AKAP13: variants seen among roughly 807,000 people sequenced by gnomAD.
AKAP13 encodes A-kinase anchor protein 13.
Under a neutral mutation model 264.5 loss-of-function variants are expected in AKAP13, and 80 were observed. That is an observed-to-expected ratio of 0.30 (90% CI 0.25 to 0.36). The LOEUF is 0.36. Among genes scored for constraint, AKAP13 ranks in the 10% least tolerant of loss-of-function variants. AKAP13 has a pLI of 1.00. For missense variants in AKAP13, 3,712 were observed against 3,435.2 expected (o/e 1.08, Z -2.01); for synonymous variants, 1,380 against 1,250.2 (o/e 1.10, Z -2.19).
intron 3 of AKAP13, among the ~76,000 whole-genome samples, chr15:85,527,114 C>T (rs900183750): frequency 7.2e-5 from 11 of 152,134 alleles, no homozygotes; most frequent in Admixed American, 2.0e-4. Flanking sequence ...AGGCGCCCGC[C>T]ACCACGCCCG....
intron 1 of AKAP13, among the ~76,000 whole-genome samples, chr15:85,480,457 T>C (rs1480022298): frequency 6.6e-6 from 1 of 152,194 alleles, no homozygotes; most frequent in Non-Finnish European, 1.5e-5. Flanking sequence ...AGCATTATTA[T>C]GCTCTTTCTG....
chr15:85,665,511 A>T (rs2083544290), intron 13 of AKAP13, among the ~76,000 whole-genome samples: 1 of 152,078 alleles, frequency 6.6e-6, no homozygotes, highest in Non-Finnish European at 1.5e-5. Flanking sequence ...TCCCATCCCT[A>T]CCAGAATTCT....
intron 1 of AKAP13, among the ~76,000 whole-genome samples, chr15:85,381,139 G>A (rs1206550196): frequency 6.6e-6 from 1 of 152,130 alleles, no homozygotes; most frequent in Non-Finnish European, 1.5e-5. Context: ...TCCGCCCCCA[G>A]CGAGGCCCCG....
chr15:85,475,996 G>A (rs1423032402), intron 1 of AKAP13, among the ~76,000 whole-genome samples: 1 of 152,110 alleles, frequency 6.6e-6, no homozygotes, highest in African/African-American at 2.4e-5. Flanking sequence ...AAAACAAGTT[G>A]GGGAGAGAAG....
intron 1 of AKAP13, among the ~76,000 whole-genome samples, chr15:85,388,292 G>C (rs1023580996): frequency 5.3e-5 from 8 of 151,946 alleles, no homozygotes; most frequent in African/African-American, 1.9e-4. Context: ...TGATCCGCCA[G>C]CCTCAGCCTC....
intron 1 of AKAP13, among the ~76,000 whole-genome samples, chr15:85,450,633 C>T (rs1010378778): frequency 1.3e-5 from 2 of 152,062 alleles, no homozygotes; most frequent in Admixed American, 6.6e-5. Context: ...CATTCAGGAG[C>T]ATGTTCTTAT....
At chr15:85,559,770 A>G (rs2078292566) in intron 5 of AKAP13, among the ~76,000 whole-genome samples, 1 of 149,088 alleles carries the variant, frequency 6.7e-6, no homozygotes, top group African/African-American at 2.5e-5. Context: ...ATACAGATGA[A>G]GCTTCACTCT....
At chr15:85,443,299 T>G (rs2073776629) in intron 1 of AKAP13, among the ~76,000 whole-genome samples, 1 of 152,204 alleles carries the variant, frequency 6.6e-6, no homozygotes, top group Non-Finnish European at 1.5e-5. Context: ...TGGTGTTTAT[T>G]AGCTGAATAA....
chr15:85,683,679 G>A (rs1275750694), intron 15 of AKAP13: 1 of 152,114 alleles, frequency 6.6e-6, no homozygotes, highest in South Asian at 2.1e-4. Context: ...CCATGTTGGC[G>A]AGGCTGGTCT....
At chr15:85,623,465 C>A (rs1567161054) in intron 8 of AKAP13, among the ~76,000 whole-genome samples, 1 of 152,198 alleles carries the variant, frequency 6.6e-6, no homozygotes, top group Non-Finnish European at 1.5e-5. Flanking sequence ...TCAGCATTCT[C>A]ATTCTGTGTT....
At chr15:85,387,517 GTCTC>G (rs1194499924) in intron 1 of AKAP13, among the ~76,000 whole-genome samples, 10 of 152,040 alleles carry the variant, frequency 6.6e-5, no homozygotes, top group Non-Finnish European at 1.2e-4. Flanking sequence ...TAGAGACAGA[GTCTC>G]TCTATGTTGC....
intron 1 of AKAP13, among the ~76,000 whole-genome samples, chr15:85,397,349 G>T (rs568343082): frequency 6.6e-6 from 1 of 152,270 alleles, no homozygotes; most frequent in South Asian, 2.1e-4. Context: ...AAAAGTGCTT[G>T]TGGCAGTCTA....
At chr15:85,408,666 T>G (rs868550888) in intron 1 of AKAP13, among the ~76,000 whole-genome samples, 45 of 151,976 alleles carry the variant, frequency 3.0e-4, no homozygotes, top group Middle Eastern at 3.4e-3. Flanking sequence ...TATTTCCTTT[T>G]TAAGGCAGAA....
At chr15:85,686,191 A>ATTG (rs1555459330) in intron 16 of AKAP13, among the ~76,000 whole-genome samples, 1 of 151,354 alleles carries the variant, frequency 6.6e-6, no homozygotes, top group Non-Finnish European at 1.5e-5. Context: ...ACGTGCATGC[A>ATTG]TGTGTGTGTG....
intron 5 of AKAP13, among the ~76,000 whole-genome samples, chr15:85,565,242 T>TA (rs71468117): frequency 0.28 from 41,660 of 149,172 alleles, 7,123 homozygotes; most frequent in Middle Eastern, 0.49. Context: ...TCATTGGAAT[T>TA]AAAAAAAAAA....
intron 5 of AKAP13, among the ~76,000 whole-genome samples, chr15:85,558,996 A>C (rs535113720): frequency 1.4e-5 from 2 of 146,758 alleles, no homozygotes; most frequent in Non-Finnish European, 3.0e-5. Context: ...TGGAAATTTG[A>C]CTTTTTTTTC....
intron 10 of AKAP13, among the ~76,000 whole-genome samples, chr15:85,647,559 T>G (rs2082612500): frequency 6.6e-6 from 1 of 151,608 alleles, no homozygotes; most frequent in Non-Finnish European, 1.5e-5. Context: ...CTTCCCAAGG[T>G]CTTTGGAAAG....
At chr15:85,619,692 G>T in intron 8 of AKAP13, 1 of 990,970 alleles carries the variant, frequency 1.0e-6, no homozygotes, top group South Asian at 4.7e-5. Context: ...TTTTCCCTAC[G>T]TGTATCGGCC....
intron 1 of AKAP13, among the ~76,000 whole-genome samples, chr15:85,419,935 G>GTTTTTTTTTT (rs11452064): frequency 3.8e-5 from 3 of 77,970 alleles, no homozygotes; most frequent in Non-Finnish European, 6.9e-5. Flanking sequence ...TCTGACTCTT[G>GTTTTTTTTTT]TTTTTTTTTT....
Sources: gnomAD v4.1 joint callset for allele counts (sites outside exome capture counted in the v4.1 genomes callset) on GRCh38, gnomAD v4.1.1 for gene constraint, MANE v1.5 for transcripts, NCBI Gene and HGNC (gene_info 2026-07-23, HGNC 2026-07-21) for gene names.